CRISP1: variants seen among roughly 807,000 people sequenced by gnomAD.
CRISP1 encodes cysteine-rich secretory protein 1.
In CRISP1, 44 loss-of-function variants were observed where a neutral mutation model predicts 33.1. That is an observed-to-expected ratio of 1.33 (90% confidence interval 1.05 to 1.71). The LOEUF is 1.71. Among genes scored for constraint, CRISP1 ranks in the 40% most tolerant of loss-of-function variants. CRISP1 has a pLI of 0.00. For synonymous variants in CRISP1, 103 were observed against 98.7 expected (o/e 1.04, Z -0.26); for missense variants, 390 against 301.2 (o/e 1.29, Z -2.18).
Position 49,838,419 on chromosome 6 carries a change from GA to G in CRISP1, c.622+17del. 6.3e-7 allele frequency: 1 copy of G among 1,585,862 alleles called. No homozygotes were observed. The highest frequency in any genetic ancestry group is 8.6e-7 in the Non-Finnish European group (1 of 1,158,068). On this transcript the variant is annotated intron_variant, in intron 7 of 7. Coordinates refer to ENST00000335847, the MANE Select transcript of CRISP1 (RefSeq NM_001131.3). ...TCAATGGGTTAACTGTAAACAAACA[GA>G]ATGCAAACAAACTTACTGCAAAGTT...
At chr6:49,865,533 C>A (rs903572308) in intron 1 of CRISP1, among the ~76,000 whole-genome samples, 1 of 152,072 alleles carries the variant, frequency 6.6e-6, no homozygotes, top group Non-Finnish European at 1.5e-5. Flanking sequence ...CAATTTGATC[C>A]ATTGCATTAT....
upstream of CRISP1, among the ~76,000 whole-genome samples, chr6:49,867,188 A>G (rs1188280478): frequency 6.6e-6 from 1 of 152,148 alleles, no homozygotes; most frequent in Non-Finnish European, 1.5e-5. Flanking sequence ...ACATGATGAG[A>G]AATATCACAG....
At chr6:49,863,630 A>T (rs1771716347) in intron 1 of CRISP1, among the ~76,000 whole-genome samples, 1 of 152,230 alleles carries the variant, frequency 6.6e-6, no homozygotes, top group Admixed American at 6.5e-5. Flanking sequence ...AATCATAAAC[A>T]ACTAAAAGTT....
rs1770745585 is a variant in CRISP1 at position 49,835,179 on chromosome 6, G to C, written c.*137C>G. On this transcript the variant is annotated 3_prime_UTR_variant, in exon 8 of 8. Coordinates refer to ENST00000335847, the MANE Select transcript of CRISP1 (RefSeq NM_001131.3). ...ACAGTGTTACTTCAGGATGTATCAG[G>C]ATGGGAGTTAAGGTCTCCAGCATGA... 5.7e-6 allele frequency: 5 copies of C among 870,008 alleles called. No individual in the cohort carries two copies. The highest frequency in any genetic ancestry group is 8.6e-6 in the Non-Finnish European group (5 of 579,346). The allele number at this position is 870,008 out of a possible 1,614,324, so 53.9% of individuals were successfully genotyped here.
At chr6:49,856,200 A>T (rs540021992) in intron 2 of CRISP1, among the ~76,000 whole-genome samples, 1 of 152,102 alleles carries the variant, frequency 6.6e-6, no homozygotes, top group Non-Finnish European at 1.5e-5. Context: ...TCACATGACA[A>T]TCTGGGCCAG....
intron 1 of CRISP1, among the ~76,000 whole-genome samples, chr6:49,873,130 C>G (rs757203853): frequency 4.6e-5 from 7 of 151,658 alleles, no homozygotes; most frequent in Non-Finnish European, 1.0e-4. Flanking sequence ...TGTTAACTAA[C>G]CTGCACACTG....
At chr6:49,867,534 T>C (rs1279820391), upstream of CRISP1, among the ~76,000 whole-genome samples, 2 of 152,080 alleles carry the variant, frequency 1.3e-5, no homozygotes, top group African/African-American at 4.8e-5. Flanking sequence ...TAGTCATAAG[T>C]TATTTTGTGT....
chr6:49,851,831 A>G (rs1771350966), intron 3 of CRISP1, among the ~76,000 whole-genome samples, 170 bp downstream of exon 3: 1 of 152,152 alleles, frequency 6.6e-6, no homozygotes, highest in Non-Finnish European at 1.5e-5. Context: ...TAACCATATA[A>G]TCATCAGAAA....
In CRISP1 at chr6:49,857,342, G is replaced by T; in HGVS notation, c.59C>A (p.Ser20Tyr). Residue 20 changes from serine (S) to tyrosine (Y), a missense_variant, in exon 2 of 8, where the codon TCC becomes TAC. Ser to Tyr is a moderately radical substitution (Grantham distance 144). Transcript: ENST00000335847. Reference protein sequence around the residue: ...VAAACLLPMLSMKKKSARDQF... With the variant: ...VAAACLLPMLYMKKKSARDQF... ...CATCCAACCCTCACATACTTTCATG[G>T]ACAACATAGGCAGTAAGCAAGCAGC... 1 of 1,612,668 alleles carries T rather than the reference G, an allele frequency of 6.2e-7. No homozygotes were observed. Among genetic ancestry groups the T allele is most frequent in the Non-Finnish European group, 8.5e-7 (1 of 1,179,098 alleles).
intron 5 of CRISP1, among the ~76,000 whole-genome samples, chr6:49,845,635 A>C (rs1036090760): frequency 6.6e-6 from 1 of 152,008 alleles, no homozygotes; most frequent in African/African-American, 2.4e-5. Flanking sequence ...GCATATGCCC[A>C]AAACAATTGA....
chr6:49,851,558 C>T (rs191538149), intron 3 of CRISP1, among the ~76,000 whole-genome samples: 2 of 152,266 alleles, frequency 1.3e-5, no homozygotes, highest in East Asian at 3.9e-4. Context: ...AGCCTCTGGA[C>T]TACTGCCCAA....
chr6:49,857,311 A>G, intron 2 of CRISP1, 24 bp downstream of exon 2: 5 of 1,608,300 alleles, frequency 3.1e-6, no homozygotes, highest in Non-Finnish European at 3.4e-6. Context: ...GAAAGTAATT[A>G]TGAAACATCC....
rs966827739 is a variant in CRISP1 at position 49,851,900 on chromosome 6, A to G, written c.195+101T>C. The G allele has an allele frequency of 3.7e-6, 5 of 1,363,548 alleles. No homozygotes were observed. The East Asian group carries it at 1.2e-4, about 33-fold the overall frequency. 84.5% of individuals were successfully genotyped at this position (1,363,548 alleles called of 1,614,324 possible). A position where few individuals can be genotyped will look rare whatever the true frequency, so the allele number is the denominator to read the frequency against. On this transcript the variant is annotated intron_variant, in intron 3 of 7. Coordinates refer to ENST00000335847, the MANE Select transcript of CRISP1 (RefSeq NM_001131.3). ...GCTATGTAAAAGATTTGTTGTGAAG[A>G]TAAAACTTTTAGCACTTTGAAAGTG... is the stretch of plus-strand genomic sequence containing the variant.
chr6:49,874,569 T>G (rs953053225), intron 1 of CRISP1, among the ~76,000 whole-genome samples: 1 of 152,040 alleles, frequency 6.6e-6, no homozygotes. Context: ...AGCATCATCC[T>G]GATACCAAAA....
At chr6:49,857,010 C>T (rs967291296) in intron 2 of CRISP1, among the ~76,000 whole-genome samples, 4 of 152,068 alleles carry the variant, frequency 2.6e-5, no homozygotes, top group Admixed American at 6.6e-5. Flanking sequence ...AATCTGCATT[C>T]TCAGTTTTTT....
chr6:49,860,805 C>A (rs1446575759), intron 1 of CRISP1, among the ~76,000 whole-genome samples: 1 of 151,692 alleles, frequency 6.6e-6, no homozygotes, highest in Non-Finnish European at 1.5e-5. Flanking sequence ...AAAAAATATA[C>A]AAAGGATAAA....
At position 49,874,890 on chromosome 6, in the gene CRISP1, G is replaced by T. The variant is rs138945495; in HGVS notation, c.-3+2119C>A. ...CATGTTAAAAACTCTCAATAAACTA[G>T]GTATTGAAGGAAAATACCTCAAAAT... is the stretch of plus-strand genomic sequence containing the variant. On this transcript the variant is annotated intron_variant, in intron 1 of 7. Transcript: ENST00000505118. 3.0e-3 allele frequency among the ~76,000 whole-genome samples: 460 copies of T among 152,034 alleles called. 2 individuals carry two copies. Among genetic ancestry groups the T allele is most frequent in the African/African-American group, 0.01 (427 of 41,486 alleles).
intron 5 of CRISP1, among the ~76,000 whole-genome samples, chr6:49,841,492 C>T (rs991127306): frequency 3.3e-5 from 5 of 152,238 alleles, no homozygotes; most frequent in South Asian, 2.1e-4. Context: ...GGATTCATTT[C>T]TCTGATCTTA....
chr6:49,865,170 T>C (rs903519910), intron 1 of CRISP1, among the ~76,000 whole-genome samples: 8 of 152,176 alleles, frequency 5.3e-5, no homozygotes, highest in African/African-American at 1.4e-4. Flanking sequence ...TGGCATATTA[T>C]GTAATACAGA....
Sources: allele counts gnomAD v4.1 joint callset (sites outside exome capture counted in the v4.1 genomes callset), GRCh38; gene constraint gnomAD v4.1.1; transcripts MANE v1.5; gene names NCBI Gene and HGNC (gene_info 2026-07-23, HGNC 2026-07-21).